Variants in SWI5 observed in about 807,000 individuals in gnomAD.
SWI5 encodes SWI5 homologous recombination repair protein, also known as DNA repair protein SWI5 homolog.
A neutral mutation model predicts 17.0 loss-of-function variants in SWI5; 12 were observed. The ratio of observed to expected loss-of-function variants is 0.71; its 90% confidence interval spans 0.45 to 1.14. SWI5 has a LOEUF of 1.14. Among genes scored for constraint, SWI5 ranks in the 50% most tolerant of loss-of-function variants. The pLI, the probability that SWI5 is intolerant of heterozygous loss-of-function variation, is 0.00. For synonymous variants in SWI5, 61 were observed against 64.0 expected (o/e 0.95, Z 0.22); for missense variants, 158 against 162.2 (o/e 0.97, Z 0.14).
intron 2 of SWI5, 43 bp from the exon 3 acceptor site, chr9:128,284,467 G>A: frequency 6.2e-7 from 1 of 1,601,330 alleles, no homozygotes; most frequent in Non-Finnish European, 8.5e-7. Flanking sequence ...TGTGAATTGT[G>A]GATAACTGGT....
Position 128,281,033 on chromosome 9 carries a change from T to TC in SWI5, c.112-3477_112-3476insC, listed in dbSNP as rs202227868. Among the ~76,000 whole-genome samples, 363 of 128,774 alleles carry TC rather than the reference T, an allele frequency of 2.8e-3. 10 individuals are homozygous for TC. Among genetic ancestry groups the TC allele is most frequent in the African/African-American group, 9.5e-3 (319 of 33,556 alleles). The allele number at this position is 128,774 out of a possible 152,430, so 84.5% of individuals were successfully genotyped here. A position where few individuals can be genotyped will look rare whatever the true frequency, so the allele number is the denominator to read the frequency against. Reference sequence around the variant, plus strand: ...TCAATACAGATTCAACCATGCTTTTTTTTTTTTTTTTTTTTTTTTTTTTTG... The same window carrying TC: ...TCAATACAGATTCAACCATGCTTTTTCTTTTTTTTTTTTTTTTTTTTTTTTG... On this transcript the variant is annotated intron_variant, in intron 2 of 4. Transcript: ENST00000418976.
intron 2 of SWI5, 79 bp downstream of exon 2, chr9:128,276,834 A>G (rs894175072): frequency 2.1e-5 from 29 of 1,414,108 alleles, no homozygotes; most frequent in African/African-American, 2.8e-5. Flanking sequence ...CCCCATCCCA[A>G]CAGCAGCCAA....
At chr9:128,287,963 C>T (rs1272341792) in intron 4 of SWI5, among the ~76,000 whole-genome samples, 1 of 152,114 alleles carries the variant, frequency 6.6e-6, no homozygotes, top group Non-Finnish European at 1.5e-5. Flanking sequence ...TTTAAAGTCT[C>T]TTGCTCTCAT....
At chr9:128,276,213 G>A, upstream of SWI5, 1 of 1,608,420 alleles carries the variant, frequency 6.2e-7, no homozygotes. Context: ...CGCTGTCCCC[G>A]CCCACCTCGG....
intron 2 of SWI5, among the ~76,000 whole-genome samples, chr9:128,279,520 G>A (rs1311885207): frequency 6.6e-6 from 1 of 152,250 alleles, no homozygotes; most frequent in Admixed American, 6.5e-5. Flanking sequence ...CCAAAGCAGA[G>A]AGGGAAGGCA....
At position 128,285,898 on chromosome 9, in the gene SWI5, A is replaced by T. The variant is rs1221027334; in HGVS notation, c.234-41A>T. The stretch of plus-strand genomic sequence containing the variant: ...GCCTGGGGCCATCATCTGCTTTCTT[A>T]ACTGGGCTGTCTTTCCCCCTCTCTC... On this transcript the variant is annotated intron_variant, in intron 3 of 4. Transcript: ENST00000418976. The surrounding 1 kb of genome is among the most constrained non-coding windows in gnomAD (Gnocchi z 4.8). The T allele has an allele frequency of 2.8e-6, 4 of 1,427,866 alleles. No homozygotes were observed. Among genetic ancestry groups the T allele is most frequent in the Non-Finnish European group, 4.0e-6 (4 of 1,011,568 alleles). The allele number at this position is 1,427,866 out of a possible 1,614,324, so 88.4% of individuals were successfully genotyped here. A position where few individuals can be genotyped will look rare whatever the true frequency, so the allele number is the denominator to read the frequency against.
rs1415430261 is a variant in SWI5 at position 128,276,700 on chromosome 9, T to G, written c.63-7T>G. On this transcript the variant is annotated splice_polypyrimidine_tract_variant and splice_region_variant and intron_variant, in intron 1 of 4. Transcript: ENST00000418976. ...CAATCAGACTTTCCCCTCGGATTCC[T>G]CTCTAGGACTGAACCAAGACTTACC... is the stretch of plus-strand genomic sequence containing the variant. The G allele has an allele frequency of 6.2e-7, 1 of 1,613,866 alleles. No individual in the cohort carries two copies. The highest frequency in any genetic ancestry group is 1.7e-5 in the Admixed American group (1 of 59,994).
intron 2 of SWI5, 112 bp downstream of exon 2, chr9:128,276,867 A>C: frequency 8.9e-7 from 1 of 1,122,724 alleles, no homozygotes; most frequent in Non-Finnish European, 1.3e-6. Context: ...CCTCTTCCAT[A>C]TCTTCTCCCA....
chr9:128,284,789 C>T (rs1831607062), intron 3 of SWI5, among the ~76,000 whole-genome samples, 158 bp downstream of exon 3: 1 of 151,936 alleles, frequency 6.6e-6, no homozygotes, highest in Non-Finnish European at 1.5e-5. Context: ...AACCCTGTCT[C>T]TACTAAAAAT....
At chr9:128,281,229 G>C (rs1032022708) in intron 2 of SWI5, among the ~76,000 whole-genome samples, 10 of 151,638 alleles carry the variant, frequency 6.6e-5, no homozygotes, top group African/African-American at 1.9e-4. Flanking sequence ...GTAGAGACAG[G>C]GTTTCACTAT....
At chr9:128,278,233 G>A (rs1831470208) in intron 2 of SWI5, among the ~76,000 whole-genome samples, 1 of 151,936 alleles carries the variant, frequency 6.6e-6, no homozygotes, top group Admixed American at 6.6e-5. Context: ...TGGGATTACA[G>A]GCATGAGCCA....
At chr9:128,278,307 G>T (rs868162211) in intron 2 of SWI5, among the ~76,000 whole-genome samples, 1 of 151,788 alleles carries the variant, frequency 6.6e-6, no homozygotes, top group African/African-American at 2.4e-5. Flanking sequence ...AGTGACTCAC[G>T]CCTATAATCC....
intron 2 of SWI5, among the ~76,000 whole-genome samples, chr9:128,284,153 G>A (rs538488824): frequency 1.3e-4 from 19 of 151,900 alleles, no homozygotes; most frequent in Admixed American, 3.9e-4. Flanking sequence ...GCCGGGCATG[G>A]TGGCGCATGC....
intron 2 of SWI5, among the ~76,000 whole-genome samples, chr9:128,283,400 G>A (rs1410543927): frequency 6.6e-6 from 1 of 152,246 alleles, no homozygotes; most frequent in Non-Finnish European, 1.5e-5. Context: ...AGGAAGCTGA[G>A]GCAGGAGAAT....
chr9:128,281,385 C>T (rs1034108968), intron 2 of SWI5, among the ~76,000 whole-genome samples: 8 of 151,986 alleles, frequency 5.3e-5, no homozygotes, highest in Non-Finnish European at 8.8e-5. Flanking sequence ...CCCACTGATA[C>T]AGAGGGCCAA....
chr9:128,284,570 A>G, exon 3 of SWI5: 1 of 1,614,028 alleles, frequency 6.2e-7, no homozygotes, highest in Non-Finnish European at 8.5e-7. Flanking sequence ...GCACCTTGAC[A>G]TTCAGAAACT....
At chr9:128,287,173 G>A (rs1402720134) in intron 4 of SWI5, among the ~76,000 whole-genome samples, 3 of 145,900 alleles carry the variant, frequency 2.1e-5, no homozygotes, top group Non-Finnish European at 4.5e-5. Context: ...GGCCGGGCTC[G>A]CTGGCTCGCA....
chr9:128,285,414 A>G lies in SWI5; in HGVS notation c.234-525A>G, dbSNP rs1367722984. ...GGGCCTGAACTAGGACTGGAAAGCT[A>G]TCTGGGATGGAAGCTGTTGCTCTTC... On this transcript the variant is annotated intron_variant, in intron 3 of 4. Transcript: ENST00000418976. The surrounding 1 kb of genome is among the most constrained non-coding windows in gnomAD (Gnocchi z 4.8). Among the ~76,000 whole-genome samples, 1 of 152,176 alleles carries G rather than the reference A, an allele frequency of 6.6e-6. No individual in the cohort carries two copies. Among genetic ancestry groups the G allele is most frequent in the Non-Finnish European group, 1.5e-5 (1 of 68,020 alleles).
At chr9:128,282,612 TTGA>T (rs1831558577) in intron 2 of SWI5, among the ~76,000 whole-genome samples, 1 of 152,194 alleles carries the variant, frequency 6.6e-6, no homozygotes, top group African/African-American at 2.4e-5. Context: ...TGGGCTGGGC[TTGA>T]TGTCTCATTC....
Sources: allele counts gnomAD v4.1 joint callset (sites outside exome capture counted in the v4.1 genomes callset), GRCh38; gene constraint gnomAD v4.1.1; non-coding constraint Gnocchi (gnomAD v3.1); transcripts MANE v1.5; gene names NCBI Gene and HGNC (gene_info 2026-07-23, HGNC 2026-07-21).